FER1L6: variants seen among roughly 807,000 people sequenced by gnomAD.
FER1L6 encodes fer-1 like family member 6, also known as fer-1-like protein 6.
In FER1L6, 177 loss-of-function variants were observed where a neutral mutation model predicts 219.2. That is an observed-to-expected ratio of 0.81 (90% CI 0.71 to 0.91). The LOEUF (loss-of-function observed/expected upper bound fraction) is 0.91, where lower values mean the gene tolerates loss of function less well. Among genes scored for constraint, FER1L6 ranks in the 40% least tolerant of loss-of-function variants. The pLI is 0.00. For synonymous variants in FER1L6, 768 were observed against 824.3 expected, an observed-to-expected ratio of 0.93 and a Z score of 1.17; for missense variants, 2,153 against 2,259.9, an observed-to-expected ratio of 0.95 and a Z score of 0.96.
intron 11 of FER1L6, chr8:123,985,108 C>T (rs1231567022): frequency 1.3e-5 from 2 of 152,162 alleles, no homozygotes; most frequent in African/African-American, 2.4e-5. Flanking sequence ...TAGTCTAGTC[C>T]TCCAGACTGT....
intron 12 of FER1L6, among the ~76,000 whole-genome samples, chr8:124,002,391 C>T (rs1817453113): frequency 6.6e-6 from 1 of 152,140 alleles, no homozygotes. Context: ...GAAGGCTTCC[C>T]AAGTTAAGAG....
chr8:123,911,326 A>G (rs534440731), intron 1 of FER1L6, among the ~76,000 whole-genome samples: 219 of 152,326 alleles, frequency 1.4e-3, no homozygotes, highest in Non-Finnish European at 2.3e-3. Context: ...TTTAAAAGAA[A>G]GGTCATAGTA....
intron 19 of FER1L6, among the ~76,000 whole-genome samples, chr8:124,035,856 T>C (rs1819182605): frequency 6.6e-6 from 1 of 152,222 alleles, no homozygotes; most frequent in African/African-American, 2.4e-5. Context: ...CAACAGCAGA[T>C]ATTCACATTT....
At chr8:123,954,948 C>T (rs1159626065) in intron 1 of FER1L6, among the ~76,000 whole-genome samples, 5 of 152,194 alleles carry the variant, frequency 3.3e-5, no homozygotes, top group Non-Finnish European at 4.4e-5. Context: ...AGGCTGCCTG[C>T]ATCAAGGCCA....
chr8:124,104,514 GA>G (rs142936384), intron 39 of FER1L6, among the ~76,000 whole-genome samples: 1 of 152,268 alleles, frequency 6.6e-6, no homozygotes, highest in African/African-American at 2.4e-5. Context: ...TTTTATAGAT[GA>G]AAAAGAGAAG....
intron 33 of FER1L6, among the ~76,000 whole-genome samples, chr8:124,090,798 C>A (rs973606945): frequency 6.6e-6 from 1 of 152,104 alleles, no homozygotes; most frequent in African/African-American, 2.4e-5. Flanking sequence ...AACAACACAT[C>A]AAGACTCTAT....
chr8:123,922,049 C>T (rs778927042), intron 1 of FER1L6, among the ~76,000 whole-genome samples: 1 of 152,218 alleles, frequency 6.6e-6, no homozygotes, highest in African/African-American at 2.4e-5. Context: ...GCCCCAGGTA[C>T]TATGATTTCA....
At chr8:123,857,793 T>A (rs1363451968) in intron 1 of FER1L6, among the ~76,000 whole-genome samples, 1 of 152,178 alleles carries the variant, frequency 6.6e-6, no homozygotes, top group African/African-American at 2.4e-5. Context: ...CTGCCCTCTC[T>A]CCTCTTCCTG....
chr8:123,980,328 C>A (rs138227457), intron 10 of FER1L6, 137 bp from the exon 11 acceptor site: 1 of 698,652 alleles, frequency 1.4e-6, no homozygotes. Flanking sequence ...AGATGGCAAT[C>A]GTTGTCTTTT....
intron 17 of FER1L6, 106 bp downstream of exon 17, chr8:124,021,775 C>G: frequency 7.1e-7 from 1 of 1,403,384 alleles, no homozygotes; most frequent in Non-Finnish European, 9.9e-7. Flanking sequence ...GTTTTTCTCC[C>G]CAGCCCTAGT....
At chr8:123,922,709 C>A (rs1412281897) in intron 1 of FER1L6, among the ~76,000 whole-genome samples, 1 of 152,186 alleles carries the variant, frequency 6.6e-6, no homozygotes, top group Non-Finnish European at 1.5e-5. Flanking sequence ...TCTTAAGGTT[C>A]ACATTTTGGT....
At chr8:124,101,018 T>C (rs985276964) in intron 37 of FER1L6, 79 bp from the exon 38 acceptor site, 2 of 1,341,458 alleles carry the variant, frequency 1.5e-6, no homozygotes, top group African/African-American at 2.9e-5. Context: ...CACATTGAAA[T>C]AAGCTAAATC....
intron 14 of FER1L6, among the ~76,000 whole-genome samples, chr8:124,012,441 C>G (rs180762796): frequency 2.0e-5 from 3 of 152,346 alleles, no homozygotes; most frequent in Non-Finnish European, 4.4e-5. Context: ...TAGTGACATT[C>G]ATTTCTAATT....
chr8:124,041,470 C>CCAGT (rs2130736408), intron 20 of FER1L6, among the ~76,000 whole-genome samples: 1 of 152,306 alleles, frequency 6.6e-6, no homozygotes, highest in East Asian at 1.9e-4. Context: ...ATTCATTGAA[C>CCAGT]CAGTGCCTGT....
In FER1L6 at chr8:123,853,591, A is replaced by AT. The variant is rs1563662065; in HGVS notation, c.-8+1410dup. 6.6e-6 allele frequency among the ~76,000 whole-genome samples: 1 copy of AT among 152,094 alleles called. No individual in the cohort carries two copies. The highest frequency in any genetic ancestry group is 1.5e-5 in the Non-Finnish European group (1 of 68,008). On this transcript the variant is annotated intron_variant, in intron 1 of 40. Coordinates refer to ENST00000522917, the MANE Select transcript of FER1L6 (RefSeq NM_001039112.2). This position sits in a 1 kb window ranked among gnomAD's most constrained non-coding sequence, Gnocchi z 6.6. ...TGGGGTATTGTATTAATCAGGGGAG[A>AT]TTTTACAAGGGTGGATGAGTAGAGA...
chr8:124,064,457 C>T lies in FER1L6; in HGVS notation c.3439C>T (p.Pro1147Ser). Reference protein sequence around the residue: ...VDVEPPPTVVPDSAQAQPAIL... With the variant: ...VDVEPPPTVVSDSAQAQPAIL... ...TGTTGAGCCACCTCCCACAGTGGTG[C>T]CCGACTCTGCCCAGGCCCAGCCGGC... The change falls in exon 26 of 41, where the codon CCC becomes TCC. Residue 1147 changes from proline to serine, a missense_variant. Pro to Ser is a moderately conservative substitution (Grantham distance 74). Transcript: ENST00000522917. 1 of 1,613,998 alleles carries T rather than the reference C, an allele frequency of 6.2e-7. No individual in the cohort carries two copies. Among genetic ancestry groups the T allele is most frequent in the Non-Finnish European group, 8.5e-7 (1 of 1,179,956 alleles).
At chr8:123,878,319 A>T (rs1006592716) in intron 1 of FER1L6, among the ~76,000 whole-genome samples, 3 of 152,164 alleles carry the variant, frequency 2.0e-5, no homozygotes, top group African/African-American at 7.2e-5. Flanking sequence ...GCCAAGTGTA[A>T]CCTGGAGTTC....
At chr8:123,961,022 G>A (rs1157963077) in intron 2 of FER1L6, among the ~76,000 whole-genome samples, 1 of 152,138 alleles carries the variant, frequency 6.6e-6, no homozygotes, top group African/African-American at 2.4e-5. Flanking sequence ...GCTAAGGTGG[G>A]AGATTTGCCT....
intron 7 of FER1L6, 82 bp downstream of exon 7, chr8:123,973,594 C>G: frequency 2.0e-6 from 2 of 998,086 alleles, no homozygotes; most frequent in Non-Finnish European, 3.2e-6. Flanking sequence ...ATTCACTCAC[C>G]TGTGTGACCA....
Sources: gnomAD v4.1 joint callset for allele counts (sites outside exome capture counted in the v4.1 genomes callset) on GRCh38, gnomAD v4.1.1 for gene constraint, Gnocchi (gnomAD v3.1) non-coding constraint, MANE v1.5 for transcripts, NCBI Gene and HGNC (gene_info 2026-07-23, HGNC 2026-07-21) for gene names.